RAB7A: variants seen among roughly 807,000 people sequenced by gnomAD.
RAB7A encodes RAB7A, member RAS oncogene family.
A neutral mutation model predicts 24.5 loss-of-function variants in RAB7A; 2 were observed. The observed-to-expected ratio is 0.08, with a 90% CI of 0.03 to 0.26. RAB7A has a LOEUF of 0.26. Ranked by LOEUF, RAB7A falls within the 10% of genes least tolerant of loss-of-function variation. The probability of loss-of-function intolerance (pLI) is 1.00; values close to 1 mark genes in which losing one functional copy is unlikely to be tolerated. For synonymous variants in RAB7A, 100 were observed against 95.9 expected (o/e 1.04, Z -0.25); for missense variants, 118 against 255.7 (o/e 0.46, Z 3.67).
chr3:128,766,521 A>G (rs187889931), intron 1 of RAB7A, among the ~76,000 whole-genome samples: 178 of 152,346 alleles, frequency 1.2e-3, no homozygotes, highest in Admixed American at 2.8e-3. Flanking sequence ...ATAAAAATCA[A>G]AAGTCGACCA....
At chr3:128,778,165 C>T (rs949035287) in intron 1 of RAB7A, among the ~76,000 whole-genome samples, 5 of 152,206 alleles carry the variant, frequency 3.3e-5, no homozygotes, top group African/African-American at 1.2e-4. Flanking sequence ...TTTAGACCAA[C>T]ACTGTATAGT....
intron 3 of RAB7A, among the ~76,000 whole-genome samples, chr3:128,804,121 C>G (rs967231680): frequency 9.9e-5 from 15 of 151,244 alleles, no homozygotes; most frequent in Admixed American, 3.3e-4. Context: ...TGGGCCCCCC[C>G]CCGCCCCCAG....
intron 1 of RAB7A, among the ~76,000 whole-genome samples, chr3:128,753,199 T>C (rs114898916): frequency 6.6e-6 from 1 of 152,304 alleles, no homozygotes; most frequent in African/African-American, 2.4e-5. Flanking sequence ...AACTGAAATA[T>C]TGTCATATGC....
intron 1 of RAB7A, among the ~76,000 whole-genome samples, chr3:128,736,115 C>A (rs1247377521): frequency 6.6e-6 from 1 of 151,808 alleles, no homozygotes; most frequent in Non-Finnish European, 1.5e-5. Context: ...GAGGTTGTTA[C>A]CTTGTTTAAA....
intron 1 of RAB7A, among the ~76,000 whole-genome samples, chr3:128,759,106 G>A (rs1239521157): frequency 6.6e-6 from 1 of 152,122 alleles, no homozygotes; most frequent in Non-Finnish European, 1.5e-5. Context: ...AAATCCAAAT[G>A]TGCCATAAGC....
At chr3:128,754,957 G>T (rs1426195059) in intron 1 of RAB7A, among the ~76,000 whole-genome samples, 1 of 152,122 alleles carries the variant, frequency 6.6e-6, no homozygotes, top group Non-Finnish European at 1.5e-5. Flanking sequence ...GAAGAACCAG[G>T]CAGAAGGTAA....
At chr3:128,733,514 C>T (rs895258078) in intron 1 of RAB7A, among the ~76,000 whole-genome samples, 7 of 152,144 alleles carry the variant, frequency 4.6e-5, no homozygotes, top group Admixed American at 3.9e-4. Context: ...GTGGCTTAAA[C>T]AGAAATTTAT....
intron 1 of RAB7A, among the ~76,000 whole-genome samples, chr3:128,769,414 T>G (rs1439156165): frequency 1.3e-5 from 2 of 152,228 alleles, no homozygotes; most frequent in East Asian, 3.8e-4. Context: ...TGAACAGACA[T>G]GTTTTCACCT....
intron 1 of RAB7A, among the ~76,000 whole-genome samples, chr3:128,766,331 A>G (rs1361237256): frequency 7.3e-6 from 1 of 137,610 alleles, no homozygotes; most frequent in African/African-American, 2.5e-5. Flanking sequence ...AGTGAAACCA[A>G]GTAAATAACA....
At position 128,737,825 on chromosome 3, in the gene RAB7A, G is replaced by GTTTTT. The variant is rs56027163; in HGVS notation, c.-9+11494_-9+11498dup. 8.8e-3 allele frequency among the ~76,000 whole-genome samples: 526 copies of GTTTTT among 59,450 alleles called. 69 individuals are homozygous for GTTTTT. Among genetic ancestry groups the GTTTTT allele is most frequent in the East Asian group, 0.02 (17 of 834 alleles). The allele number at this position is 59,450 out of a possible 152,430, so 39.0% of individuals were successfully genotyped here. ...CACCACATCTGGCTATTTTTTTGTA[G>GTTTTT]TTTTTTTTTTTTTTTTTTTTTTTTT... On this transcript the variant is annotated intron_variant, in intron 1 of 5. Coordinates refer to ENST00000265062, the MANE Select transcript of RAB7A (RefSeq NM_004637.6).
At chr3:128,733,255 T>C (rs1014302351) in intron 1 of RAB7A, among the ~76,000 whole-genome samples, 2 of 152,182 alleles carry the variant, frequency 1.3e-5, no homozygotes, top group Non-Finnish European at 2.9e-5. Flanking sequence ...TCTAGAACTG[T>C]AGACTAATTT....
At chr3:128,777,059 ATTAT>A (rs1933112555) in intron 1 of RAB7A, among the ~76,000 whole-genome samples, 1 of 151,836 alleles carries the variant, frequency 6.6e-6, no homozygotes, top group East Asian at 1.9e-4. Context: ...TAAAAATTAG[ATTAT>A]TTGTTTTCTT....
At chr3:128,731,122 A>G (rs187181482) in intron 1 of RAB7A, among the ~76,000 whole-genome samples, 2 of 152,338 alleles carry the variant, frequency 1.3e-5, no homozygotes, top group Admixed American at 1.3e-4. Context: ...AGTCCTTTAA[A>G]AGTTACTTAG....
At chr3:128,791,954 C>T (rs1933462902) in intron 1 of RAB7A, among the ~76,000 whole-genome samples, 2 of 152,216 alleles carry the variant, frequency 1.3e-5, no homozygotes, top group African/African-American at 4.8e-5. Flanking sequence ...GATAATCTTA[C>T]GAGTCAGAAT....
intron 1 of RAB7A, chr3:128,764,922 G>A (rs1239541593): frequency 3.1e-5 from 49 of 1,585,202 alleles, no homozygotes; most frequent in Non-Finnish European, 4.1e-5. Flanking sequence ...GGTAAACGTA[G>A]GAGGCGTAGA....
chr3:128,779,860 C>T (rs1448564868), intron 1 of RAB7A, among the ~76,000 whole-genome samples: 2 of 152,186 alleles, frequency 1.3e-5, no homozygotes, highest in Non-Finnish European at 2.9e-5. Flanking sequence ...CCGTGCCCAG[C>T]TGAGAAAGAG....
chr3:128,735,494 G>A (rs574679862), intron 1 of RAB7A, among the ~76,000 whole-genome samples: 1 of 152,182 alleles, frequency 6.6e-6, no homozygotes, highest in Non-Finnish European at 1.5e-5. Context: ...CCCAGTTATG[G>A]GTGAGGAATG....
At chr3:128,729,891 C>T (rs1165985219) in intron 1 of RAB7A, among the ~76,000 whole-genome samples, 1 of 152,116 alleles carries the variant, frequency 6.6e-6, no homozygotes, top group Non-Finnish European at 1.5e-5. Flanking sequence ...ACAGAGGTTC[C>T]CCTTGGCATT....
chr3:128,732,034 C>T (rs2070443425), intron 1 of RAB7A, among the ~76,000 whole-genome samples: 1 of 148,450 alleles, frequency 6.7e-6, no homozygotes, highest in Non-Finnish European at 1.5e-5. Flanking sequence ...CTTTCTTCCA[C>T]TACCTTTTTT....
Sources: gnomAD v4.1 joint callset for allele counts (sites outside exome capture counted in the v4.1 genomes callset) on GRCh38, gnomAD v4.1.1 for gene constraint, MANE v1.5 for transcripts, NCBI Gene and HGNC (gene_info 2026-07-23, HGNC 2026-07-21) for gene names.